VCL: variants seen among roughly 807,000 people sequenced by gnomAD.
The protein encoded by VCL is vinculin.
VCL carries 47 observed loss-of-function variants against 125.7 expected under a neutral mutation model. The ratio of observed to expected loss-of-function variants is 0.37; its 90% confidence interval spans 0.30 to 0.48. The LOEUF is 0.48. VCL is among the 20% of genes least tolerant of loss of function. VCL has a pLI of 0.99. For missense variants in VCL, 1,069 were observed against 1,455.5 expected, an observed-to-expected ratio of 0.73 and a Z score of 4.32; for synonymous variants, 458 against 514.6, an observed-to-expected ratio of 0.89 and a Z score of 1.49.
intron 1 of VCL, among the ~76,000 whole-genome samples, chr10:74,020,017 C>T (rs1401791205): frequency 4.6e-5 from 7 of 151,072 alleles, no homozygotes; most frequent in South Asian, 2.1e-4. Flanking sequence ...GCGCCGAGAT[C>T]GCGACATTGC....
intron 18 of VCL, among the ~76,000 whole-genome samples, chr10:74,109,584 T>TTTTTTTC: frequency 6.6e-6 from 1 of 152,018 alleles, no homozygotes; most frequent in Non-Finnish European, 1.5e-5. Context: ...TTCTTTTTTT[T>TTTTTTTC]TCCACAGAAG....
intron 1 of VCL, among the ~76,000 whole-genome samples, chr10:74,001,646 T>C (rs907672161): frequency 9.2e-5 from 14 of 152,158 alleles, no homozygotes; most frequent in African/African-American, 3.1e-4. Context: ...AAGGAATTAA[T>C]CAGAAATATA....
At position 74,117,011 on chromosome 10, in the gene VCL, A is replaced by G. The variant is rs115477265; in HGVS notation, c.3259-1012A>G. On this transcript the variant is annotated intron_variant, in intron 21 of 21. Coordinates refer to ENST00000211998, the MANE Select transcript of VCL (RefSeq NM_014000.3). Reference sequence around the variant, plus strand: ...ATTACTGAGCTGATGAATTGCCAAGATCCTTCCTTGACTTTCTATGGTAGA... The same window carrying G: ...ATTACTGAGCTGATGAATTGCCAAGGTCCTTCCTTGACTTTCTATGGTAGA... Among the ~76,000 whole-genome samples the G allele has an allele frequency of 5.3e-3, 811 of 152,272 alleles. 6 individuals carry two copies. Among genetic ancestry groups the G allele is most frequent in the African/African-American group, 0.018 (757 of 41,548 alleles).
intron 2 of VCL, among the ~76,000 whole-genome samples, chr10:74,058,914 C>A (rs1591678594): frequency 6.6e-6 from 1 of 151,922 alleles, no homozygotes; most frequent in African/African-American, 2.4e-5. Flanking sequence ...TGTGCGTGTG[C>A]ACGTGCGTAT....
intron 1 of VCL, among the ~76,000 whole-genome samples, chr10:74,022,640 CT>C (rs1388462004): frequency 1.7e-3 from 244 of 142,692 alleles, no homozygotes; most frequent in Admixed American, 2.4e-3. Context: ...TCCGTAATGT[CT>C]TTTTTTTTTT....
chr10:74,046,892 T>A (rs1841204765), intron 2 of VCL, among the ~76,000 whole-genome samples: 1 of 152,176 alleles, frequency 6.6e-6, no homozygotes, highest in Non-Finnish European at 1.5e-5. Flanking sequence ...TTAGAAAAAT[T>A]AAAAATGAGC....
intron 21 of VCL, 118 bp from the exon 22 acceptor site, chr10:74,117,905 T>C (rs1840334561): frequency 1.4e-6 from 2 of 1,428,906 alleles, no homozygotes; most frequent in South Asian, 1.2e-5. Context: ...TGCAAGCAAA[T>C]ATGGGGGATG....
At chr10:74,022,813 G>A (rs1840698782) in intron 1 of VCL, among the ~76,000 whole-genome samples, 1 of 151,398 alleles carries the variant, frequency 6.6e-6, no homozygotes, top group Admixed American at 6.6e-5. Flanking sequence ...AATTTTTTTT[G>A]TATTTTTAGT....
chr10:74,042,443 A>G (rs902863524), intron 1 of VCL, among the ~76,000 whole-genome samples: 1 of 152,224 alleles, frequency 6.6e-6, no homozygotes, highest in Non-Finnish European at 1.5e-5. Flanking sequence ...AATTCTAGCA[A>G]GTGATTTTCC....
At chr10:74,076,053 T>C (rs1839579840) in intron 6 of VCL, 2 of 152,696 alleles carry the variant, frequency 1.3e-5, no homozygotes, top group African/African-American at 4.8e-5. Flanking sequence ...TTCCCTGTTA[T>C]GACTTCTTTA....
At chr10:74,034,012 A>T (rs1454486303) in intron 1 of VCL, among the ~76,000 whole-genome samples, 3 of 152,106 alleles carry the variant, frequency 2.0e-5, no homozygotes, top group Non-Finnish European at 4.4e-5. Flanking sequence ...GCTCCATGAG[A>T]TCTGGGGCCA....
intron 1 of VCL, among the ~76,000 whole-genome samples, chr10:74,010,676 C>G (rs773623840): frequency 6.6e-6 from 1 of 151,988 alleles, no homozygotes; most frequent in Non-Finnish European, 1.5e-5. Flanking sequence ...AAAACAAAAC[C>G]CATCTCTAGT....
intron 8 of VCL, 29 bp downstream of exon 8, chr10:74,083,542 G>A (rs774842997): frequency 1.2e-6 from 2 of 1,612,210 alleles, no homozygotes; most frequent in East Asian, 4.5e-5. Context: ...TTACAGAGCA[G>A]TAGTGGGTAA....
chr10:74,055,341 AT>A (rs1171509011), intron 2 of VCL, among the ~76,000 whole-genome samples: 3 of 151,936 alleles, frequency 2.0e-5, no homozygotes, highest in Non-Finnish European at 2.9e-5. Flanking sequence ...ATAATATTTT[AT>A]TTTATTTTAT....
At chr10:74,050,249 G>A (rs143675998) in intron 2 of VCL, among the ~76,000 whole-genome samples, 2 of 152,236 alleles carry the variant, frequency 1.3e-5, no homozygotes, top group Non-Finnish European at 2.9e-5. Flanking sequence ...TCACCAGCTT[G>A]GACTATTTTT....
At chr10:74,012,776 T>G (rs1382204441) in intron 1 of VCL, among the ~76,000 whole-genome samples, 1 of 152,166 alleles carries the variant, frequency 6.6e-6, no homozygotes, top group African/African-American at 2.4e-5. Context: ...CAAAGTACAG[T>G]GCTTCCTGTT....
At chr10:74,111,740 T>C (rs1360011667) in intron 18 of VCL, among the ~76,000 whole-genome samples, 169 bp from the exon 19 acceptor site, 1 of 152,196 alleles carries the variant, frequency 6.6e-6, no homozygotes, top group Non-Finnish European at 1.5e-5. Context: ...CGCTGGAGGC[T>C]GAGAATTCCC....
In VCL at chr10:74,083,492, A is replaced by C; in HGVS notation, c.1001A>C (p.Gln334Pro). 1.2e-6 allele frequency: 2 copies of C among 1,614,094 alleles called. No homozygotes were observed. Among genetic ancestry groups the C allele is most frequent in the Non-Finnish European group, 1.7e-6 (2 of 1,179,956 alleles). The change falls in exon 8 of 22, where the codon CAA becomes CCA. Residue 334 changes from glutamine to proline, a missense_variant. Physicochemically the swap from Gln to Pro is moderately conservative, Grantham distance 76. Around this residue, in one of 6 missense-constraint regions of VCL, gnomAD observed 760 missense variants for 928.9 expected, o/e 0.82. Transcript: ENST00000211998. The stretch of plus-strand genomic sequence containing the variant: ...AAAATGCTAGGGCAGATGACTGATC[A>C]AGTGGCTGACCTCCGTGCCAGGTAA... ...TCKMLGQMTD[Q>P]VADLRARGQG...
At position 74,112,258 on chromosome 10, in the gene VCL, C is replaced by G. The variant is rs543113409; in HGVS notation, c.2949+146C>G. On this transcript the variant is annotated intron_variant, in intron 19 of 21. Transcript: ENST00000211998. The stretch of plus-strand genomic sequence containing the variant: ...GTCTGTCTGCACCATGTTGTTAGGA[C>G]TGGCTTCACAAGTTTGATAGGTCTG... 2.2e-5 allele frequency: 23 copies of G among 1,050,548 alleles called. No individual in the cohort carries two copies. The African/African-American group carries it at 3.0e-4, about 14-fold the overall frequency. 65.1% of individuals were successfully genotyped at this position (1,050,548 alleles called of 1,614,324 possible).
Sources: allele counts gnomAD v4.1 joint callset (sites outside exome capture counted in the v4.1 genomes callset), GRCh38; gene constraint gnomAD v4.1.1; regional missense constraint gnomAD v4.1.1; transcripts MANE v1.5; gene names NCBI Gene and HGNC (gene_info 2026-07-23, HGNC 2026-07-21).